PPP2R2C: variants seen among roughly 807,000 people sequenced by gnomAD.
PPP2R2C encodes the protein protein phosphatase 2 regulatory subunit Bgamma, also known as protein phosphatase 2, regulatory subunit B, gamma.
Under a neutral mutation model 45.3 loss-of-function variants are expected in PPP2R2C, and 10 were observed. The ratio of observed to expected loss-of-function variants is 0.22; its 90% CI spans 0.14 to 0.37. PPP2R2C has a LOEUF of 0.37. PPP2R2C is among the 10% of genes least tolerant of loss of function. The probability of loss-of-function intolerance (pLI) is 1.00; values close to 1 mark genes in which losing one functional copy is unlikely to be tolerated. For missense variants in PPP2R2C, 308 were observed against 619.7 expected (o/e 0.50, Z 5.34); for synonymous variants, 257 against 245.4 (o/e 1.05, Z -0.44).
At chr4:6,456,534 T>C (rs1721048201) in intron 1 of PPP2R2C, among the ~76,000 whole-genome samples, 1 of 152,152 alleles carries the variant, frequency 6.6e-6, no homozygotes, top group Admixed American at 6.5e-5. Flanking sequence ...AGGGCTGTTT[T>C]TATCACCTTT....
chr4:6,432,871 T>C (rs1719700839), intron 1 of PPP2R2C, among the ~76,000 whole-genome samples: 1 of 152,166 alleles, frequency 6.6e-6, no homozygotes, highest in South Asian at 2.1e-4. Flanking sequence ...TCGCCTCTGC[T>C]ACCCCTGAGA....
chr4:6,347,816 A>ACCCCCCCCCCC, intron 6 of PPP2R2C, 30 bp downstream of exon 6: 1 of 791,108 alleles, frequency 1.3e-6, no homozygotes, highest in East Asian at 5.5e-5. Context: ...CCCAATGCAC[A>ACCCCCCCCCCC]GCCCCCCACC....
At chr4:6,443,597 T>G (rs1340762905) in intron 1 of PPP2R2C, among the ~76,000 whole-genome samples, 1 of 152,178 alleles carries the variant, frequency 6.6e-6, no homozygotes, top group Non-Finnish European at 1.5e-5. Context: ...CAGGAAGCCC[T>G]GGGTTCAAGC....
intron 2 of PPP2R2C, among the ~76,000 whole-genome samples, chr4:6,510,991 A>C (rs1200264103): frequency 9.7e-5 from 7 of 72,350 alleles, no homozygotes; most frequent in Non-Finnish European, 1.9e-4. Flanking sequence ...AAAAAAAAAC[A>C]AACAAACAAA....
chr4:6,369,070 C>T (rs1714584659), intron 5 of PPP2R2C, among the ~76,000 whole-genome samples: 1 of 152,240 alleles, frequency 6.6e-6, no homozygotes, highest in Non-Finnish European at 1.5e-5. Flanking sequence ...TTACCTCCAT[C>T]TTTTCAGAGA....
chr4:6,439,753 G>A (rs1720061026), intron 1 of PPP2R2C, among the ~76,000 whole-genome samples: 1 of 152,170 alleles, frequency 6.6e-6, no homozygotes, highest in Admixed American at 6.5e-5. Flanking sequence ...TTGAATGGCT[G>A]TATTTTCAGC....
chr4:6,534,023 CACACACATGTCAACAAGCACACACCA>C (rs1724495206), intron 2 of PPP2R2C, among the ~76,000 whole-genome samples: 3 of 142,090 alleles, frequency 2.1e-5, no homozygotes, highest in Admixed American at 1.4e-4. Flanking sequence ...CACACCCCAA[CACACACATGTCAACAAGCACACACCA>C]ACACACATAT....
At chr4:6,446,149 G>C (rs1052125587) in intron 1 of PPP2R2C, among the ~76,000 whole-genome samples, 8 of 152,118 alleles carry the variant, frequency 5.3e-5, no homozygotes, top group African/African-American at 1.9e-4. Context: ...GGATATTAAA[G>C]TGCTCAGAAC....
intron 1 of PPP2R2C, among the ~76,000 whole-genome samples, chr4:6,389,559 G>C (rs1342297574): frequency 6.6e-6 from 1 of 152,200 alleles, no homozygotes; most frequent in Non-Finnish European, 1.5e-5. Context: ...ACCTGGTATG[G>C]GCTTGGCGAG....
At chr4:6,470,546 G>A (rs1721814689) in intron 1 of PPP2R2C, among the ~76,000 whole-genome samples, 1 of 152,222 alleles carries the variant, frequency 6.6e-6, no homozygotes, top group South Asian at 2.1e-4. Flanking sequence ...CAGGAAGCCA[G>A]ACCACAGCGA....
At chr4:6,358,208 C>G (rs984691504) in intron 5 of PPP2R2C, among the ~76,000 whole-genome samples, 20 of 152,044 alleles carry the variant, frequency 1.3e-4, no homozygotes, top group African/African-American at 4.8e-4. Context: ...TGATCTTTGA[C>G]AAACCTGACA....
intron 6 of PPP2R2C, among the ~76,000 whole-genome samples, chr4:6,347,527 C>T (rs983303204): frequency 2.0e-5 from 3 of 152,080 alleles, no homozygotes; most frequent in Admixed American, 1.3e-4. Flanking sequence ...AGTAGGAGGC[C>T]GGGAAGCTTT....
intron 1 of PPP2R2C, among the ~76,000 whole-genome samples, chr4:6,431,068 G>A (rs1268435961): frequency 6.6e-6 from 1 of 152,226 alleles, no homozygotes; most frequent in Non-Finnish European, 1.5e-5. Flanking sequence ...GGGGTTACTA[G>A]GGAGATTCTG....
At chr4:6,510,980 C>CAA (rs752037080) in intron 2 of PPP2R2C, among the ~76,000 whole-genome samples, 1,502 of 41,052 alleles carry the variant, frequency 0.037, 147 homozygotes, top group African/African-American at 0.061. Flanking sequence ...CCGTCTCAAA[C>CAA]AAAAAAAAAC....
At chr4:6,366,285 C>A (rs1005789490) in intron 5 of PPP2R2C, among the ~76,000 whole-genome samples, 1 of 152,218 alleles carries the variant, frequency 6.6e-6, no homozygotes, top group South Asian at 2.1e-4. Context: ...TCAGCCCAGG[C>A]CCGCCAGGGC....
intron 2 of PPP2R2C, among the ~76,000 whole-genome samples, chr4:6,531,930 G>T (rs575288638): frequency 2.0e-5 from 3 of 152,222 alleles, no homozygotes; most frequent in African/African-American, 7.2e-5. Flanking sequence ...TATTCACATC[G>T]GTCTTCCCAG....
At chr4:6,379,293 G>C (rs1715596293) in intron 2 of PPP2R2C, among the ~76,000 whole-genome samples, 1 of 152,112 alleles carries the variant, frequency 6.6e-6, no homozygotes, top group Admixed American at 6.5e-5. Context: ...TGAGTCCACT[G>C]TGTGCGCCAG....
In PPP2R2C at chr4:6,323,074, C is replaced by A; in HGVS notation, c.*228G>T. 2.2e-6 allele frequency: 1 copy of A among 457,888 alleles called. No individual in the cohort carries two copies. Among genetic ancestry groups the A allele is most frequent in the South Asian group, 6.2e-5 (1 of 16,218 alleles). The allele number at this position is 457,888 out of a possible 1,614,324, so 28.4% of individuals were successfully genotyped here. On this transcript the variant is annotated 3_prime_UTR_variant, in exon 9 of 9. Coordinates refer to ENST00000382599, the MANE Select transcript of PPP2R2C (RefSeq NM_020416.4). The stretch of plus-strand genomic sequence containing the variant: ...TATGATTTGTGGCGGTGAACGCTTC[C>A]TTTCCTTTTTATTTTTTTAAACAGA...
chr4:6,376,618 T>A (rs1715323196), intron 3 of PPP2R2C, among the ~76,000 whole-genome samples: 1 of 152,234 alleles, frequency 6.6e-6, no homozygotes, highest in Non-Finnish European at 1.5e-5. Context: ...CACACCTGGC[T>A]AATATTTTAT....
Sources: allele counts gnomAD v4.1 joint callset (sites outside exome capture counted in the v4.1 genomes callset), GRCh38; gene constraint gnomAD v4.1.1; transcripts MANE v1.5; gene names NCBI Gene and HGNC (gene_info 2026-07-23, HGNC 2026-07-21).